The following TEX11 variants were observed in gnomAD, a reference collection of about 807,000 sequenced individuals.
TEX11 encodes the protein testis expressed 11, also known as testis-expressed protein 11.
A neutral mutation model predicts 84.4 loss-of-function variants in TEX11; 7 were observed. The observed-to-expected ratio is 0.08, with a 90% CI of 0.05 to 0.16. The LOEUF is 0.16. Ranked by LOEUF, TEX11 falls within the 10% of genes least tolerant of loss-of-function variation. The pLI is 1.00. For synonymous variants in TEX11, 264 were observed against 222.8 expected (o/e 1.18, Z -1.64); for missense variants, 551 against 660.5 (o/e 0.83, Z 1.82).
At chrX:70,595,270 A>G (rs1039439124) in intron 24 of TEX11, among the ~76,000 whole-genome samples, 30 of 110,656 alleles carry the variant, frequency 2.7e-4, no homozygotes, top group African/African-American at 9.9e-4. Flanking sequence ...TTTTTAGTAG[A>G]GATGGGGTTT....
chrX:70,759,922 G>C (rs1369493483), intron 9 of TEX11, among the ~76,000 whole-genome samples: 1 of 111,652 alleles, frequency 9.0e-6, no homozygotes, highest in Non-Finnish European at 1.9e-5. Context: ...CAAGTCTCAG[G>C]ATATAAAATC....
At chrX:70,634,270 A>C (rs2089543825) in intron 17 of TEX11, among the ~76,000 whole-genome samples, 1 of 112,064 alleles carries the variant, frequency 8.9e-6, no homozygotes, top group African/African-American at 3.2e-5. Context: ...AAGACTCAGC[A>C]ACGTTGTTAA....
At chrX:70,704,115 GTC>G (rs112493809) in intron 13 of TEX11, among the ~76,000 whole-genome samples, 12 of 103,371 alleles carry the variant, frequency 1.2e-4, no homozygotes, top group Non-Finnish European at 1.4e-4. Context: ...CTCTGTCTCT[GTC>G]TCTCTCTCTC....
At chrX:70,902,456 G>T (rs375379692) in intron 2 of TEX11, among the ~76,000 whole-genome samples, 2 of 111,409 alleles carry the variant, frequency 1.8e-5, no homozygotes, top group South Asian at 7.5e-4. Flanking sequence ...GTTTATAAAA[G>T]AATATGTTTC....
chrX:70,641,019 AC>A (rs1477574844), intron 17 of TEX11, among the ~76,000 whole-genome samples: 1 of 110,668 alleles, frequency 9.0e-6, no homozygotes, highest in African/African-American at 3.3e-5. Context: ...TATTCAGGAG[AC>A]CCATCTCACT....
chrX:70,629,732 A>G lies in TEX11; in HGVS notation c.1487T>C (p.Leu496Ser). 1 of 1,153,766 alleles carries G rather than the reference A, an allele frequency of 8.7e-7. No individual in the cohort carries two copies. Among genetic ancestry groups the G allele is most frequent in the Non-Finnish European group, 1.2e-6 (1 of 855,591 alleles). Residue 496 changes from leucine to serine, a missense_variant, in exon 18 of 30, where the codon TTG becomes TCG. Leu to Ser is a moderately radical substitution (Grantham distance 145, BLOSUM62 -2). Coordinates refer to ENST00000374333, the MANE Select transcript of TEX11 (RefSeq NM_031276.3). ...AVIEGNSERA[L>S]QAIITLENIL... ...ATTCTCTAAAGTAATTATTGCCTGCAAAGCTGAAAAACAAGAAAAAAATTC... is the reference window on the plus strand; with the variant it reads ...ATTCTCTAAAGTAATTATTGCCTGCGAAGCTGAAAAACAAGAAAAAAATTC...
At chrX:70,611,840 T>C (rs1575683) in intron 20 of TEX11, among the ~76,000 whole-genome samples, 197 of 112,047 alleles carry the variant, frequency 1.8e-3, no homozygotes, top group African/African-American at 6.1e-3. Flanking sequence ...ATCATAGGAC[T>C]AAACAATGCT....
intron 5 of TEX11, among the ~76,000 whole-genome samples, chrX:70,856,316 T>A (rs1197219114): frequency 3.6e-5 from 4 of 111,241 alleles, no homozygotes; most frequent in Non-Finnish European, 7.5e-5. Flanking sequence ...AATGGCGGAA[T>A]GAGGGGAGAT....
At position 70,806,720 on chromosome X, in the gene TEX11, C is replaced by T; in HGVS notation, c.677G>A (p.Ser226Asn). Residue 226 changes from serine to asparagine, a missense_variant, in exon 9 of 30, where the codon AGT (serine) becomes AAT (asparagine). By Grantham distance (46) the Ser-to-Asn change is conservative (BLOSUM62 1). Coordinates refer to ENST00000374333, the MANE Select transcript of TEX11 (RefSeq NM_031276.3). ...ETQKNNKYEESSFWLSQSYDI... is the reference protein window; with the variant it reads ...ETQKNNKYEENSFWLSQSYDI... ...TTTATGTTACCTAAGCCAGAAAGAACTTTCTTCATATTTATTATTCTTCTG... is the reference window on the plus strand; with the variant it reads ...TTTATGTTACCTAAGCCAGAAAGAATTTTCTTCATATTTATTATTCTTCTG... 2.5e-6 allele frequency: 3 copies of T among 1,182,181 alleles called. No homozygotes were observed. The highest frequency in any genetic ancestry group is 3.4e-6 in the Non-Finnish European group (3 of 875,133).
At chrX:70,617,097 C>T (rs2089326081) in intron 20 of TEX11, among the ~76,000 whole-genome samples, 1 of 110,503 alleles carries the variant, frequency 9.0e-6, no homozygotes, top group South Asian at 3.7e-4. Flanking sequence ...ACATTGTATG[C>T]TTGTATCAAA....
intron 1 of TEX11, 84 bp from the exon 2 acceptor site, chrX:70,907,894 A>ATCC: frequency 1.6e-6 from 1 of 632,353 alleles, no homozygotes; most frequent in Non-Finnish European, 2.5e-6. Flanking sequence ...GTTTCCCGTT[A>ATCC]CTTGTTATCC....
At chrX:70,599,349 T>C (rs940450294) in intron 24 of TEX11, among the ~76,000 whole-genome samples, 57 of 112,036 alleles carry the variant, frequency 5.1e-4, no homozygotes, top group Admixed American at 2.3e-3. Context: ...ATATGTTTTT[T>C]ACCTATCCCT....
intron 24 of TEX11, among the ~76,000 whole-genome samples, chrX:70,601,534 CT>C (rs1182961993): frequency 5.4e-4 from 34 of 63,399 alleles, no homozygotes; most frequent in East Asian, 1.6e-3. Context: ...CAGCATCATT[CT>C]TTTTTTTTTT....
intron 13 of TEX11, among the ~76,000 whole-genome samples, chrX:70,696,946 C>T (rs764922587): frequency 9.0e-6 from 1 of 111,688 alleles, no homozygotes. Flanking sequence ...TTTCTAGGCT[C>T]ATTCAGGCTA....
At chrX:70,709,405 TATTATCAG>T (rs1313331509) in intron 13 of TEX11, among the ~76,000 whole-genome samples, 1 of 111,487 alleles carries the variant, frequency 9.0e-6, no homozygotes, top group African/African-American at 3.2e-5. Flanking sequence ...TCTTTTTCTA[TATTATCAG>T]GATATTCTCA....
chrX:70,827,442 G>A (rs1164440898), intron 8 of TEX11, among the ~76,000 whole-genome samples: 2 of 111,469 alleles, frequency 1.8e-5, no homozygotes, highest in Non-Finnish European at 3.8e-5. Context: ...GGCTCTTGGG[G>A]TCCCCAAATC....
intron 7 of TEX11, among the ~76,000 whole-genome samples, chrX:70,838,027 G>A (rs1049168899): frequency 6.2e-5 from 7 of 112,257 alleles, no homozygotes; most frequent in Admixed American, 9.5e-5. Context: ...TTTTGCTACT[G>A]GCAAAAAGCT....
chrX:70,525,484 G>C (rs2087813702), downstream of TEX11, among the ~76,000 whole-genome samples: 1 of 109,923 alleles, frequency 9.1e-6, no homozygotes, highest in South Asian at 4.0e-4. Flanking sequence ...CTACTTGGAA[G>C]ACTGAGATGG....
At chrX:70,710,920 T>C (rs1268969158) in intron 13 of TEX11, among the ~76,000 whole-genome samples, 2 of 110,328 alleles carry the variant, frequency 1.8e-5, no homozygotes, top group African/African-American at 6.6e-5. Flanking sequence ...GTATATCTCC[T>C]AATGCTATCC....
Sources: allele counts gnomAD v4.1 joint callset (sites outside exome capture counted in the v4.1 genomes callset), GRCh38; gene constraint gnomAD v4.1.1; transcripts MANE v1.5; gene names NCBI Gene and HGNC (gene_info 2026-07-23, HGNC 2026-07-21).